Variants in DSCAML1 observed in about 807,000 individuals in gnomAD.
The protein encoded by DSCAML1 is cell adhesion molecule DSCAML1.
A neutral mutation model predicts 200.5 loss-of-function variants in DSCAML1; 38 were observed. The ratio of observed to expected loss-of-function variants is 0.19; its 90% CI spans 0.15 to 0.25. The LOEUF (loss-of-function observed/expected upper bound fraction) is 0.25, where lower values mean the gene tolerates loss of function less well. Among genes scored for constraint, DSCAML1 ranks in the 10% least tolerant of loss-of-function variants. The probability of loss-of-function intolerance (pLI) is 1.00; values close to 1 mark genes in which losing one functional copy is unlikely to be tolerated. For missense variants in DSCAML1, 2,223 were observed against 2,858.8 expected, an observed-to-expected ratio of 0.78 and a Z score of 5.07; for synonymous variants, 1,215 against 1,165.0, an observed-to-expected ratio of 1.04 and a Z score of -0.87.
intron 3 of DSCAML1, among the ~76,000 whole-genome samples, chr11:117,681,214 CA>C (rs1466955564): frequency 1.3e-5 from 2 of 152,184 alleles, no homozygotes; most frequent in Non-Finnish European, 2.9e-5. Flanking sequence ...TGGTAGGGTC[CA>C]ACAAGGCTTT....
At chr11:117,577,778 G>A (rs2050973360) in intron 3 of DSCAML1, among the ~76,000 whole-genome samples, 1 of 151,302 alleles carries the variant, frequency 6.6e-6, no homozygotes, top group African/African-American at 2.4e-5. Context: ...TGTTGGTCAG[G>A]CTAGTGTTGA....
intron 8 of DSCAML1, among the ~76,000 whole-genome samples, chr11:117,514,585 T>TTTC (rs1565755741): frequency 4.5e-5 from 6 of 132,432 alleles, no homozygotes; most frequent in Non-Finnish European, 9.5e-5. Context: ...TTTTTTTTTT[T>TTTC]TTTTTTTTTT....
chr11:117,513,538 C>T (rs948114387), intron 8 of DSCAML1, among the ~76,000 whole-genome samples: 2 of 151,840 alleles, frequency 1.3e-5, no homozygotes, highest in East Asian at 1.9e-4. Context: ...GTCAGGAGTC[C>T]GAGACCAGCC....
At chr11:117,577,875 G>T (rs959439935) in intron 3 of DSCAML1, among the ~76,000 whole-genome samples, 6 of 150,554 alleles carry the variant, frequency 4.0e-5, no homozygotes, top group Non-Finnish European at 7.4e-5. Flanking sequence ...CCCTAAGCAA[G>T]ATTTTGTTAT....
At chr11:117,656,544 T>C (rs866946510) in intron 3 of DSCAML1, among the ~76,000 whole-genome samples, 87 of 141,414 alleles carry the variant, frequency 6.2e-4, no homozygotes, top group African/African-American at 1.9e-3. Flanking sequence ...TCTATCTATC[T>C]ATCCATCCAT....
At chr11:117,656,688 G>A (rs1283813908) in intron 3 of DSCAML1, among the ~76,000 whole-genome samples, 4 of 152,166 alleles carry the variant, frequency 2.6e-5, no homozygotes, top group African/African-American at 9.7e-5. Context: ...GAGTTAGTAG[G>A]GGTGCTGGGA....
At chr11:117,598,779 G>A (rs573530534) in intron 3 of DSCAML1, among the ~76,000 whole-genome samples, 17 of 152,318 alleles carry the variant, frequency 1.1e-4, no homozygotes, top group South Asian at 8.3e-4. Flanking sequence ...GGCACAAAGC[G>A]AGTTTGTCAT....
At chr11:117,756,206 G>C (rs190910446) in intron 3 of DSCAML1, among the ~76,000 whole-genome samples, 1 of 152,370 alleles carries the variant, frequency 6.6e-6, no homozygotes, top group East Asian at 1.9e-4. Flanking sequence ...GGACAGGAAG[G>C]AAGGTCACTC....
intron 3 of DSCAML1, among the ~76,000 whole-genome samples, chr11:117,696,473 T>C (rs2053588206): frequency 6.6e-6 from 1 of 152,228 alleles, no homozygotes; most frequent in South Asian, 2.1e-4. Flanking sequence ...TTGAAGATTA[T>C]TTACTAAAGA....
At chr11:117,647,216 A>G (rs2052537458) in intron 3 of DSCAML1, among the ~76,000 whole-genome samples, 2 of 152,264 alleles carry the variant, frequency 1.3e-5, no homozygotes, top group Non-Finnish European at 2.9e-5. Context: ...GACATGGGAA[A>G]GAAGGTGCAT....
chr11:117,565,492 T>C (rs1446838160), intron 3 of DSCAML1, among the ~76,000 whole-genome samples: 1 of 152,238 alleles, frequency 6.6e-6, no homozygotes, highest in Admixed American at 6.5e-5. Flanking sequence ...ACAAACACAG[T>C]ATCTAATTTA....
intron 3 of DSCAML1, among the ~76,000 whole-genome samples, chr11:117,737,559 C>T (rs1244399082): frequency 1.3e-5 from 2 of 152,146 alleles, no homozygotes; most frequent in Non-Finnish European, 2.9e-5. Context: ...ACATGCTGCC[C>T]CAGGTGGCCA....
At chr11:117,450,030 C>A (rs1405579638) in intron 20 of DSCAML1, among the ~76,000 whole-genome samples, 1 of 152,200 alleles carries the variant, frequency 6.6e-6, no homozygotes, top group East Asian at 1.9e-4. Flanking sequence ...TCAATCCTCT[C>A]CTCTCGCCTG....
At chr11:117,490,275 G>T (rs187671208) in intron 11 of DSCAML1, among the ~76,000 whole-genome samples, 2 of 152,160 alleles carry the variant, frequency 1.3e-5, no homozygotes, top group Non-Finnish European at 1.5e-5. Context: ...CTCGCAGGCC[G>T]GCTCCTGTCA....
intron 3 of DSCAML1, among the ~76,000 whole-genome samples, chr11:117,770,339 T>A (rs989308947): frequency 6.6e-5 from 10 of 152,110 alleles, no homozygotes; most frequent in Non-Finnish European, 1.0e-4. Context: ...AGGGTGACAA[T>A]CCCAGCCACT....
chr11:117,449,285 G>A (rs1431806964), intron 20 of DSCAML1, among the ~76,000 whole-genome samples: 1 of 152,118 alleles, frequency 6.6e-6, no homozygotes, highest in Non-Finnish European at 1.5e-5. Flanking sequence ...TGCTGCTTGG[G>A]TGGGTTGTGA....
In DSCAML1 at chr11:117,780,248, G is replaced by GAAAAAGAAAGAAAGAAAGAA. The variant is rs750717030; in HGVS notation, c.364+244_364+245insTTCTTTCTTTCTTTCTTTTT. Among the ~76,000 whole-genome samples the GAAAAAGAAAGAAAGAAAGAA allele has an allele frequency of 3.3e-3, 250 of 76,734 alleles. 1 individual carries two copies. Among genetic ancestry groups the GAAAAAGAAAGAAAGAAAGAA allele is most frequent in the African/African-American group, 9.7e-3 (230 of 23,744 alleles). 50.3% of individuals were successfully genotyped at this position (76,734 alleles called of 152,430 possible). On this transcript the variant is annotated intron_variant, in intron 2 of 32. Coordinates refer to ENST00000651296, the MANE Select transcript of DSCAML1 (RefSeq NM_020693.4). The surrounding 1 kb of genome is among the most constrained non-coding windows in gnomAD (Gnocchi z 4.8). ...GAAAGAAAGGAAAGAAAGAAAGAAA[G>GAAAAAGAAAGAAAGAAAGAA]AAAGAAAGAAAGAAAGAAAGAAAGA...
intron 3 of DSCAML1, among the ~76,000 whole-genome samples, chr11:117,644,701 C>T (rs146212773): frequency 2.6e-5 from 4 of 152,344 alleles, no homozygotes; most frequent in African/African-American, 7.2e-5. Context: ...CCCTCTCAAC[C>T]TCTAGGGCAG....
rs1025356335 is a variant in DSCAML1 at position 117,609,028 on chromosome 11, A to C, written c.512-76506T>G. 3.6e-5 allele frequency among the ~76,000 whole-genome samples: 4 copies of C among 110,268 alleles called. No homozygotes were observed. The East Asian group carries it at 1.3e-3, about 35-fold the overall frequency. The allele number at this position is 110,268 out of a possible 152,430, so 72.3% of individuals were successfully genotyped here. A position where few individuals can be genotyped will look rare whatever the true frequency, so the allele number is the denominator to read the frequency against. On this transcript the variant is annotated intron_variant, in intron 3 of 32. Transcript: ENST00000651296. ...CAAACAAACAAACAAACAAACAAAC[A>C]AACAAACAAAAAAAACAAAAATTGT...
Sources: allele counts gnomAD v4.1 joint callset (sites outside exome capture counted in the v4.1 genomes callset), GRCh38; gene constraint gnomAD v4.1.1; non-coding constraint Gnocchi (gnomAD v3.1); transcripts MANE v1.5; gene names NCBI Gene and HGNC (gene_info 2026-07-23, HGNC 2026-07-21).